Variants in NTN4 observed in about 807,000 individuals in gnomAD.
NTN4 encodes netrin 4.
Under a neutral mutation model 73.6 loss-of-function variants are expected in NTN4, and 32 were observed. The ratio of observed to expected loss-of-function variants is 0.44; its 90% confidence interval spans 0.33 to 0.58. The LOEUF (loss-of-function observed/expected upper bound fraction) is 0.58. NTN4 is among the 20% of genes least tolerant of loss of function. NTN4 has a pLI of 0.04. For synonymous variants in NTN4, 258 were observed against 287.5 expected (o/e 0.90, Z 1.04); for missense variants, 654 against 798.3 (o/e 0.82, Z 2.18).
chr12:95,710,485 T>C lies in NTN4; in HGVS notation c.1136A>G (p.Tyr379Cys), dbSNP rs143521129. 11 of 1,614,032 alleles carry C rather than the reference T, an allele frequency of 6.8e-6. No homozygotes were observed. The highest frequency in any genetic ancestry group is 1.6e-4 in the Middle Eastern group (1 of 6,084). The change falls in exon 5 of 10, where the codon TAT (tyrosine) becomes TGT (cysteine). Residue 379 changes from tyrosine (Y) to cysteine (C), a missense_variant. Physicochemically the swap from Tyr to Cys is radical, Grantham distance 194. Coordinates refer to ENST00000343702, the MANE Select transcript of NTN4 (RefSeq NM_021229.4). Reference sequence around the variant, plus strand: ...TGAGAAGGGTCTCCGCAGGTCACGATAGAAGCCTGGCTTGCACCTCTGGCA... The same window carrying C: ...TGAGAAGGGTCTCCGCAGGTCACGACAGAAGCCTGGCTTGCACCTCTGGCA... Reference protein sequence around the residue: ...QYCQRCKPGFYRDLRRPFSAP... With the variant: ...QYCQRCKPGFCRDLRRPFSAP...
intron 2 of NTN4, among the ~76,000 whole-genome samples, chr12:95,782,634 A>G (rs2079141597): frequency 6.6e-6 from 1 of 151,126 alleles, no homozygotes; most frequent in African/African-American, 2.4e-5. Context: ...AGACCCAGCT[A>G]CTCCCTCTGT....
intron 3 of NTN4, among the ~76,000 whole-genome samples, chr12:95,730,524 A>G (rs1288473187): frequency 6.6e-6 from 1 of 152,216 alleles, no homozygotes; most frequent in Non-Finnish European, 1.5e-5. Context: ...TAATCATCAG[A>G]AACAGTAATC....
chr12:95,687,954 G>A (rs2078374495), intron 5 of NTN4, among the ~76,000 whole-genome samples: 1 of 152,108 alleles, frequency 6.6e-6, no homozygotes, highest in African/African-American at 2.4e-5. Flanking sequence ...AGTGTACACT[G>A]AGTAGAAAGC....
Position 95,790,399 on chromosome 12 carries a change from G to A in NTN4, c.-90C>T. 8.8e-7 allele frequency: 1 copy of A among 1,132,290 alleles called. No individual in the cohort carries two copies. Among genetic ancestry groups the A allele is most frequent in the South Asian group, 1.6e-5 (1 of 61,118 alleles). The allele number at this position is 1,132,290 out of a possible 1,614,324, so 70.1% of individuals were successfully genotyped here. Reference sequence around the variant, plus strand: ...GCGGGATGAAGCGCCGCCGTCCTCGGGAGGGAACGGGGCCCTGGTTTCTTC... The same window carrying A: ...GCGGGATGAAGCGCCGCCGTCCTCGAGAGGGAACGGGGCCCTGGTTTCTTC... On this transcript the variant is annotated 5_prime_UTR_variant, in exon 1 of 10. Transcript: ENST00000343702. The surrounding 1 kb of genome is among the most constrained non-coding windows in gnomAD (Gnocchi z 6.5).
intron 3 of NTN4, among the ~76,000 whole-genome samples, chr12:95,734,069 CAAAAAAAAAAA>C (rs34550049): frequency 5.3e-5 from 5 of 94,234 alleles, no homozygotes; most frequent in East Asian, 8.8e-4. Flanking sequence ...GACTCCATTT[CAAAAAAAAAAA>C]AAAAAAAAAA....
chr12:95,676,387 G>A (rs530568382), intron 7 of NTN4, among the ~76,000 whole-genome samples: 2 of 151,924 alleles, frequency 1.3e-5, no homozygotes, highest in Admixed American at 6.6e-5. Context: ...GATTGCAGGT[G>A]TGAGCCACTG....
chr12:95,668,781 G>C (rs113981685), intron 8 of NTN4, among the ~76,000 whole-genome samples: 2 of 151,662 alleles, frequency 1.3e-5, no homozygotes, highest in South Asian at 4.2e-4. Context: ...TTTGAGGTCA[G>C]AAGTCCAAAA....
chr12:95,729,642 T>A (rs999909328), intron 3 of NTN4, among the ~76,000 whole-genome samples: 2,641 of 139,424 alleles, frequency 0.019, 73 homozygotes, highest in African/African-American at 0.075. Flanking sequence ...AGTGTGTGTG[T>A]GTGTGTGTGT....
chr12:95,754,209 G>A (rs1034895024), intron 2 of NTN4, among the ~76,000 whole-genome samples: 6 of 151,976 alleles, frequency 3.9e-5, no homozygotes, highest in Non-Finnish European at 7.4e-5. Context: ...ACTGTATCCA[G>A]GCCATCACCA....
At position 95,709,544 on chromosome 12, in the gene NTN4, T is replaced by C. The variant is rs7977139; in HGVS notation, c.1180+897A>G. Among the ~76,000 whole-genome samples the C allele has an allele frequency of 2.1e-3, 312 of 151,706 alleles. 3 individuals carry two copies. Among genetic ancestry groups the C allele is most frequent in the African/African-American group, 6.6e-3 (274 of 41,350 alleles). On this transcript the variant is annotated intron_variant, in intron 5 of 9. Transcript: ENST00000343702. ...TTTCTCTCTCTCTCTCTCTCTCTTTTTTTTTTTTTGGAAAGGTTTGGCTCT... is the reference window on the plus strand; with the variant it reads ...TTTCTCTCTCTCTCTCTCTCTCTTTCTTTTTTTTTGGAAAGGTTTGGCTCT...
rs773301612 is a variant in NTN4, at chr12:95,786,926, C to A, written c.585+13G>T. 1.9e-6 allele frequency: 3 copies of A among 1,609,310 alleles called. No homozygotes were observed. In the African/African-American group the frequency reaches 4.0e-5, roughly 22 times the overall value. On this transcript the variant is annotated intron_variant, in intron 2 of 9. Coordinates refer to ENST00000343702, the MANE Select transcript of NTN4 (RefSeq NM_021229.4). ...ATCTTACTTACAGTGTAGAGTTAAA[C>A]AGGTGCCCTTACCTCTCCTCCAGTG...
At chr12:95,683,376 TAA>T in intron 6 of NTN4, 120 bp downstream of exon 6, 1 of 944,808 alleles carries the variant, frequency 1.1e-6, no homozygotes, top group East Asian at 2.6e-5. Context: ...AAAAATTCTT[TAA>T]AAGAGATGTG....
At chr12:95,731,843 G>A (rs1180400430) in intron 3 of NTN4, among the ~76,000 whole-genome samples, 1 of 151,956 alleles carries the variant, frequency 6.6e-6, no homozygotes, top group Non-Finnish European at 1.5e-5. Flanking sequence ...TCTACCCTTC[G>A]TTCGTTTTGG....
At chr12:95,718,065 A>G (rs2078620537) in intron 3 of NTN4, among the ~76,000 whole-genome samples, 1 of 152,248 alleles carries the variant, frequency 6.6e-6, no homozygotes, top group Non-Finnish European at 1.5e-5. Context: ...TGAACCAGTC[A>G]GTCAAGGAAT....
chr12:95,683,640 C>A lies in NTN4; in HGVS notation c.1252G>T (p.Gly418Cys). 6.2e-7 allele frequency: 1 copy of A among 1,614,114 alleles called. No individual in the cohort carries two copies. Among genetic ancestry groups the A allele is most frequent in the Middle Eastern group, 1.7e-4 (1 of 6,060 alleles). ...ACCCCAGGCTTGCAAGGGCAGTCAC[C>A]ATTGCTGGGGTCGCAGAAGGTCACT... ...NSVTFCDPSN[G>C]DCPCKPGVAG... The change falls in exon 6 of 10, where the codon GGT becomes TGT. Residue 418 changes from glycine to cysteine, a missense_variant. Coordinates refer to ENST00000343702, the MANE Select transcript of NTN4 (RefSeq NM_021229.4).
chr12:95,740,983 A>C (rs1592697161), intron 2 of NTN4, among the ~76,000 whole-genome samples: 1 of 152,198 alleles, frequency 6.6e-6, no homozygotes, highest in Admixed American at 6.5e-5. Context: ...ATTCTGACAC[A>C]TAACAAAATT....
intron 2 of NTN4, among the ~76,000 whole-genome samples, chr12:95,770,370 G>A (rs897480170): frequency 1.3e-5 from 2 of 152,144 alleles, no homozygotes; most frequent in African/African-American, 4.8e-5. Context: ...GTTACGAAAG[G>A]AAGAGTTTTG....
At chr12:95,734,732 T>C (rs946782626) in intron 3 of NTN4, among the ~76,000 whole-genome samples, 2 of 152,122 alleles carry the variant, frequency 1.3e-5, no homozygotes, top group African/African-American at 4.8e-5. Flanking sequence ...AGTGAAGCAA[T>C]CATAGGAATT....
chr12:95,713,456 C>A, intron 3 of NTN4, 118 bp from the exon 4 acceptor site: 1 of 1,181,426 alleles, frequency 8.5e-7, no homozygotes, highest in South Asian at 2.1e-5. Flanking sequence ...CATTCACTTT[C>A]CTGAAGAAGT....
Sources: allele counts gnomAD v4.1 joint callset (sites outside exome capture counted in the v4.1 genomes callset), GRCh38; gene constraint gnomAD v4.1.1; non-coding constraint Gnocchi (gnomAD v3.1); transcripts MANE v1.5; gene names NCBI Gene and HGNC (gene_info 2026-07-23, HGNC 2026-07-21).